The following HACE1 variants were observed in gnomAD, a reference collection of about 807,000 sequenced individuals.
The protein encoded by HACE1 is HECT domain and ankyrin repeat containing E3 ubiquitin protein ligase 1, also known as E3 ubiquitin-protein ligase HACE1.
In HACE1, 73 loss-of-function variants were observed where a neutral mutation model predicts 118.4. The ratio of observed to expected loss-of-function variants is 0.62; its 90% CI spans 0.51 to 0.75. HACE1 has a LOEUF of 0.75. Ranked by LOEUF, HACE1 falls within the 30% of genes least tolerant of loss-of-function variation. The pLI is 0.00. For missense variants in HACE1, 749 were observed against 1,102.2 expected (o/e 0.68, Z 4.54); for synonymous variants, 368 against 374.8 (o/e 0.98, Z 0.21).
chr6:104,828,190 T>C (rs778004968), intron 6 of HACE1, among the ~76,000 whole-genome samples: 9 of 152,010 alleles, frequency 5.9e-5, no homozygotes, highest in Non-Finnish European at 1.2e-4. Flanking sequence ...CTACAGAGAA[T>C]AGTGTTAGGT....
chr6:104,730,380 C>A lies in HACE1; in HGVS notation c.2550G>T (p.Met850Ile). 6.3e-7 allele frequency: 1 copy of A among 1,594,698 alleles called. No individual in the cohort carries two copies. Among genetic ancestry groups the A allele is most frequent in the Non-Finnish European group, 8.6e-7 (1 of 1,162,258 alleles). Residue 850 changes from methionine (M) to isoleucine (I), a missense_variant, in exon 23 of 24, where the codon ATG (methionine) becomes ATT (isoleucine). Coordinates refer to ENST00000262903, the MANE Select transcript of HACE1 (RefSeq NM_020771.4). ...TAAAGTTTTGCAATCCACTTCCACC[C>A]ATGATATTAGCAAACCCACCATGTG... Reference protein sequence around the residue: ...RVPHGGFANIMGGSGLQNFTI... With the variant: ...RVPHGGFANIIGGSGLQNFTI...
intron 12 of HACE1, 82 bp from the exon 13 acceptor site, chr6:104,784,567 C>A: frequency 1.1e-6 from 1 of 920,544 alleles, no homozygotes; most frequent in Non-Finnish European, 1.7e-6. Context: ...ATATACTGAA[C>A]TGGACTGGCT....
chr6:104,844,205 T>C (rs1775401419), intron 4 of HACE1, among the ~76,000 whole-genome samples: 1 of 151,510 alleles, frequency 6.6e-6, no homozygotes, highest in South Asian at 2.1e-4. Flanking sequence ...GCCCAGCTAA[T>C]TTTGTATTTT....
At chr6:104,805,500 T>C (rs1770890333) in intron 7 of HACE1, among the ~76,000 whole-genome samples, 2 of 152,158 alleles carry the variant, frequency 1.3e-5, no homozygotes, top group Admixed American at 6.5e-5. Flanking sequence ...GTGGCACAGA[T>C]ACACCATGGA....
At position 104,777,036 on chromosome 6, in the gene HACE1, G is replaced by A. The variant is rs1436908088; in HGVS notation, c.1753C>T (p.Arg585Trp). ...CAKLKQGIAV[R>W]FHGEEGMGQG... ...ACCATGCCTTCTTCTCCATGGAACC[G>A]TACAGCAATCCCTTGCTTTAGCTTT... The change falls in exon 16 of 24, where the codon CGG (arginine) becomes TGG (tryptophan). Residue 585 changes from arginine to tryptophan, a missense_variant. This residue lies in a region of HACE1 where 195 missense variants were observed against 322.1 expected (regional missense o/e 0.61). Transcript: ENST00000262903. 9 of 1,609,592 alleles carry A rather than the reference G, an allele frequency of 5.6e-6. No homozygotes were observed. The highest frequency in any genetic ancestry group is 6.8e-6 in the Non-Finnish European group (8 of 1,176,380).
At chr6:104,799,362 A>C (rs778823748) in intron 7 of HACE1, among the ~76,000 whole-genome samples, 1 of 152,190 alleles carries the variant, frequency 6.6e-6, no homozygotes, top group Non-Finnish European at 1.5e-5. Context: ...CACACACATA[A>C]GGGTAGTCAG....
Position 104,741,503 on chromosome 6 carries a change from T to G in HACE1, c.2513+2657A>C, listed in dbSNP as rs1776681198. Among the ~76,000 whole-genome samples, 6 of 129,336 alleles carry G rather than the reference T, an allele frequency of 4.6e-5. No individual in the cohort carries two copies. In the South Asian group the frequency reaches 1.5e-3, roughly 33 times the overall value. The allele number at this position is 129,336 out of a possible 152,430, so 84.8% of individuals were successfully genotyped here. A position where few individuals can be genotyped will look rare whatever the true frequency, so the allele number is the denominator to read the frequency against. ...CAATGTGCAAAAATCACAAGCATTC[T>G]TATACACCAACAACAGACAAACAGA... On this transcript the variant is annotated intron_variant, in intron 22 of 23. Coordinates refer to ENST00000262903, the MANE Select transcript of HACE1 (RefSeq NM_020771.4).
intron 17 of HACE1, among the ~76,000 whole-genome samples, chr6:104,775,990 G>A (rs1781194329): frequency 6.6e-6 from 1 of 152,156 alleles, no homozygotes; most frequent in African/African-American, 2.4e-5. Flanking sequence ...CCTTCACTTG[G>A]AATATGTCTT....
chr6:104,737,829 G>A (rs1776094984), intron 22 of HACE1, among the ~76,000 whole-genome samples: 1 of 152,230 alleles, frequency 6.6e-6, no homozygotes, highest in Non-Finnish European at 1.5e-5. Flanking sequence ...GCCCACCACA[G>A]CTCAAGGAGG....
intron 19 of HACE1, among the ~76,000 whole-genome samples, chr6:104,764,338 A>G (rs930818346): frequency 3.3e-5 from 5 of 152,312 alleles, no homozygotes; most frequent in African/African-American, 1.2e-4. Context: ...TCGGCCTCCC[A>G]AAGTGCTGGG....
At chr6:104,756,348 G>A (rs964512144) in intron 19 of HACE1, among the ~76,000 whole-genome samples, 1 of 149,088 alleles carries the variant, frequency 6.7e-6, no homozygotes, top group South Asian at 2.1e-4. Context: ...GTAGGCAGAG[G>A]TTGCAGTGAG....
At chr6:104,814,535 G>A (rs1771922749) in intron 6 of HACE1, among the ~76,000 whole-genome samples, 1 of 138,244 alleles carries the variant, frequency 7.2e-6, no homozygotes, top group Non-Finnish European at 1.6e-5. Flanking sequence ...AGCTACTGAA[G>A]CATATCCTCC....
intron 7 of HACE1, among the ~76,000 whole-genome samples, chr6:104,801,467 G>T (rs896193531): frequency 1.8e-4 from 27 of 152,160 alleles, no homozygotes; most frequent in Non-Finnish European, 5.9e-5. Flanking sequence ...CAGTCAGAGA[G>T]AAAGGTCAGT....
intron 15 of HACE1, 42 bp downstream of exon 15, chr6:104,777,164 C>T: frequency 2.6e-6 from 4 of 1,557,972 alleles, no homozygotes; most frequent in Non-Finnish European, 3.5e-6. Context: ...ATAAAAAGCA[C>T]TTTGTGCTTC....
intron 17 of HACE1, among the ~76,000 whole-genome samples, chr6:104,774,080 C>CTTTTTTT (rs540039211): frequency 6.7e-5 from 5 of 74,854 alleles, no homozygotes; most frequent in Non-Finnish European, 1.2e-4. Context: ...CATCTTTTCT[C>CTTTTTTT]TTTTTTTTTT....
At chr6:104,813,417 A>C (rs1017609727) in intron 6 of HACE1, among the ~76,000 whole-genome samples, 2 of 138,502 alleles carry the variant, frequency 1.4e-5, no homozygotes, top group Non-Finnish European at 3.1e-5. Flanking sequence ...AAAAATTAAA[A>C]ATAAAGAAAC....
At position 104,729,690 on chromosome 6, in the gene HACE1, C is replaced by T. The variant is rs1774995272; in HGVS notation, c.2702G>A (p.Cys901Tyr). Residue 901 changes from cysteine (C) to tyrosine (Y), a missense_variant, in exon 24 of 24, where the codon TGT becomes TAT. Coordinates refer to ENST00000262903, the MANE Select transcript of HACE1 (RefSeq NM_020771.4). Reference protein sequence around the residue: ...LKDRLLVALHCGSYGYTMA With the variant: ...LKDRLLVALHYGSYGYTMA Reference sequence around the variant, plus strand: ...TGCCATTGTGTAACCATAGCTGCCACAATGTAGTGCCACAAGAAGTCTGTC... The same window carrying T: ...TGCCATTGTGTAACCATAGCTGCCATAATGTAGTGCCACAAGAAGTCTGTC... The T allele has an allele frequency of 1.3e-6, 2 of 1,565,048 alleles. No homozygotes were observed. Among genetic ancestry groups the T allele is most frequent in the Non-Finnish European group, 1.8e-6 (2 of 1,135,300 alleles).
chr6:104,859,553 G>C lies in HACE1; in HGVS notation c.76+14C>G. The C allele has an allele frequency of 6.6e-7, 1 of 1,510,826 alleles. No homozygotes were observed. 93.6% of individuals were successfully genotyped at this position (1,510,826 alleles called of 1,614,324 possible). ...CCAGCCCCGCGGCCAGCCTGGCCCC[G>C]CGACCCGGCTCACCCTCGGGCAACT... On this transcript the variant is annotated intron_variant, in intron 1 of 23. Coordinates refer to ENST00000262903, the MANE Select transcript of HACE1 (RefSeq NM_020771.4).
chr6:104,811,981 T>C (rs1006522436), intron 6 of HACE1, among the ~76,000 whole-genome samples: 2 of 152,116 alleles, frequency 1.3e-5, no homozygotes, highest in African/African-American at 4.8e-5. Context: ...TTTCACTGAT[T>C]GCCATTAATA....
Sources: allele counts gnomAD v4.1 joint callset (sites outside exome capture counted in the v4.1 genomes callset), GRCh38; gene constraint gnomAD v4.1.1; regional missense constraint gnomAD v4.1.1; transcripts MANE v1.5; gene names NCBI Gene and HGNC (gene_info 2026-07-23, HGNC 2026-07-21).